FRYL: variants seen among roughly 807,000 people sequenced by gnomAD.
FRYL encodes protein furry homolog-like.
FRYL carries 150 observed loss-of-function variants against 351.2 expected under a neutral mutation model. The ratio of observed to expected loss-of-function variants is 0.43; its 90% CI spans 0.37 to 0.49. The LOEUF (loss-of-function observed/expected upper bound fraction) is 0.49. Among genes scored for constraint, FRYL ranks in the 20% least tolerant of loss-of-function variants. FRYL has a pLI of 0.00. For synonymous variants in FRYL, 1,153 were observed against 1,257.1 expected, an observed-to-expected ratio of 0.92 and a Z score of 1.75; for missense variants, 3,036 against 3,619.3, an observed-to-expected ratio of 0.84 and a Z score of 4.13.
chr4:48,693,086 G>A (rs368272470), intron 2 of FRYL, among the ~76,000 whole-genome samples: 10 of 152,122 alleles, frequency 6.6e-5, no homozygotes, highest in African/African-American at 2.2e-4. Flanking sequence ...AAATGCAAAT[G>A]TCTTCCTTTT....
chr4:48,506,567 T>C (rs1307729798), intron 59 of FRYL: 2 of 143,392 alleles, frequency 1.4e-5, no homozygotes, highest in East Asian at 4.1e-4. Flanking sequence ...TCAGTTGTTT[T>C]GACTTCTAAG....
At chr4:48,687,492 C>CGGGGGG (rs561805370) in intron 2 of FRYL, among the ~76,000 whole-genome samples, 10 of 46,562 alleles carry the variant, frequency 2.1e-4, no homozygotes, top group South Asian at 1.0e-3. Context: ...CAAATGAGGT[C>CGGGGGG]GGGGGGGGGG....
chr4:48,704,949 CAAAAAAAA>C (rs780894705), intron 2 of FRYL, among the ~76,000 whole-genome samples: 9 of 50,732 alleles, frequency 1.8e-4, no homozygotes, highest in African/African-American at 7.1e-4. Flanking sequence ...GACTCCGTCT[CAAAAAAAA>C]AAAAAAAAAA....
chr4:48,504,116 TGA>T, intron 60 of FRYL, among the ~76,000 whole-genome samples: 1 of 152,178 alleles, frequency 6.6e-6, no homozygotes, highest in Non-Finnish European at 1.5e-5. Context: ...TTTTTGTGGA[TGA>T]GTGTGTGTGT....
chr4:48,580,195 T>G (rs1740589212), intron 22 of FRYL, among the ~76,000 whole-genome samples: 1 of 152,134 alleles, frequency 6.6e-6, no homozygotes, highest in Non-Finnish European at 1.5e-5. Context: ...ATGTTATGCA[T>G]TAACCTCTTG....
Position 48,521,102 on chromosome 4 carries a change from A to T in FRYL, c.7635T>A (p.Asp2545Glu). ...ITTEEVLQIR[D>E]ETPTLEASLD... ...GAGAAGCCTCCAAAGTTGGGGTCTCATCCCTGATTTGAAGCACTTCCTCTG... is the reference window on the plus strand; with the variant it reads ...GAGAAGCCTCCAAAGTTGGGGTCTCTTCCCTGATTTGAAGCACTTCCTCTG... Residue 2545 changes from aspartate (D) to glutamate (E), a missense_variant, in exon 55 of 64, where the codon GAT becomes GAA. Coordinates refer to ENST00000358350, the MANE Select transcript of FRYL (RefSeq NM_015030.2). 6.2e-7 allele frequency: 1 copy of T among 1,613,788 alleles called. No individual in the cohort carries two copies. Among genetic ancestry groups the T allele is most frequent in the Non-Finnish European group, 8.5e-7 (1 of 1,179,786 alleles).
chr4:48,515,137 C>T lies in FRYL; in HGVS notation c.7828G>A (p.Ala2610Thr), dbSNP rs777521885. 1.5e-5 allele frequency: 25 copies of T among 1,613,854 alleles called. No homozygotes were observed. Among genetic ancestry groups the T allele is most frequent in the African/African-American group, 2.7e-5 (2 of 74,896 alleles). The change falls in exon 56 of 64, where the codon GCT becomes ACT. Residue 2610 changes from alanine (A) to threonine (T), a missense_variant. Physicochemically the swap from Ala to Thr is moderately conservative, Grantham distance 58. Transcript: ENST00000358350. ...LEETEMPEPL[A>T]PESYPESVCE... ...ACTGACTCGGGGTAACTTTCAGGAG[C>T]TAGAGGCTCTGGCATTTCAGTTTCT... is the stretch of plus-strand genomic sequence containing the variant.
In FRYL at chr4:48,568,409, C is replaced by T. The variant is rs373183589; in HGVS notation, c.2997-989G>A. Among the ~76,000 whole-genome samples the T allele has an allele frequency of 2.6e-4, 39 of 152,262 alleles. No individual in the cohort carries two copies. In the East Asian group the frequency reaches 5.2e-3, roughly 20 times the overall value. On this transcript the variant is annotated intron_variant, in intron 27 of 63. Coordinates refer to ENST00000358350, the MANE Select transcript of FRYL (RefSeq NM_015030.2). ...TCATTAAGCATATATCCAGTATCTA[C>T]TCCAGAGTGTTTTAGTAAGGATGTA...
intron 46 of FRYL, 122 bp downstream of exon 46, chr4:48,540,231 C>T (rs1406806045): frequency 1.6e-6 from 2 of 1,235,436 alleles, no homozygotes; most frequent in Non-Finnish European, 2.2e-6. Context: ...ATTTAAGCTA[C>T]CTAGCGTATA....
chr4:48,653,804 C>T (rs1053060992), intron 3 of FRYL: 3 of 1,262,094 alleles, frequency 2.4e-6, no homozygotes, highest in Middle Eastern at 2.3e-4. Flanking sequence ...CAATCAGCTG[C>T]AAAAGCAGCA....
In FRYL at chr4:48,567,283, C is replaced by G. The variant is rs754899886; in HGVS notation, c.3134G>C (p.Ser1045Thr). The G allele has an allele frequency of 6.2e-7, 1 of 1,611,626 alleles. No homozygotes were observed. Among genetic ancestry groups the G allele is most frequent in the Non-Finnish European group, 8.5e-7 (1 of 1,179,298 alleles). The change falls in exon 28 of 64, where the codon AGT (serine) becomes ACT (threonine). Residue 1045 changes from serine to threonine, a missense_variant. By Grantham distance (58) the Ser-to-Thr change is moderately conservative. This residue lies in a region of FRYL where 492 missense variants were observed against 551.5 expected (regional missense o/e 0.89). Transcript: ENST00000358350. The surrounding 1 kb of genome is among the most constrained non-coding windows in gnomAD (Gnocchi z 4.2). The stretch of plus-strand genomic sequence containing the variant: ...CTGAATAATATTCGCCACTAAGGCA[C>G]TAAAATGGCATCGTATATCCTTCAG... ...DTLKDIRCHF[S>T]ALVANIIQNV...
intron 22 of FRYL, among the ~76,000 whole-genome samples, chr4:48,579,835 T>A (rs1412314076): frequency 6.6e-6 from 1 of 152,126 alleles, no homozygotes; most frequent in African/African-American, 2.4e-5. Context: ...ATTGTATAGA[T>A]CCTTTCATAA....
intron 9 of FRYL, among the ~76,000 whole-genome samples, chr4:48,608,234 C>T (rs980228158): frequency 2.0e-5 from 3 of 152,012 alleles, no homozygotes; most frequent in East Asian, 1.9e-4. Flanking sequence ...TATTAAAATG[C>T]AAACTACTTA....
At chr4:48,605,695 T>C in intron 11 of FRYL, 46 bp downstream of exon 11, 1 of 1,199,934 alleles carries the variant, frequency 8.3e-7, no homozygotes, top group South Asian at 1.3e-5. Flanking sequence ...GTTGATAAGG[T>C]TCTTGTATAA....
At chr4:48,632,091 AATATATATATATATATATATATATATAT>A (rs1560753223) in intron 4 of FRYL, among the ~76,000 whole-genome samples, 23 of 23,394 alleles carry the variant, frequency 9.8e-4, no homozygotes, top group Middle Eastern at 0.038. Context: ...AAAAAAAAAA[AATATATATATATATATATATATATATAT>A]ATATATATAT....
At chr4:48,670,241 C>A (rs1762430038) in intron 3 of FRYL, among the ~76,000 whole-genome samples, 1 of 151,834 alleles carries the variant, frequency 6.6e-6, no homozygotes, top group South Asian at 2.1e-4. Context: ...TGAGATCAGT[C>A]TGGCCAACAT....
intron 2 of FRYL, among the ~76,000 whole-genome samples, chr4:48,710,279 G>A (rs770841618): frequency 6.6e-6 from 1 of 152,166 alleles, no homozygotes; most frequent in African/African-American, 2.4e-5. Context: ...GGACTATAGA[G>A]TACAAATAAG....
intron 41 of FRYL, 192 bp downstream of exon 41, chr4:48,547,392 C>T (rs1731599997): frequency 2.5e-6 from 1 of 399,824 alleles, no homozygotes; most frequent in Non-Finnish European, 4.4e-6. Flanking sequence ...CGAGGTAATG[C>T]AGACTCAAAT....
rs1467564618 is a variant in FRYL at position 48,528,307 on chromosome 4, A to G, written c.6933T>C (p.Asp2311=). Residue 2311 remains aspartate (D), a synonymous_variant, in exon 51 of 64, where the codon GAT becomes GAC. Coordinates refer to ENST00000358350, the MANE Select transcript of FRYL (RefSeq NM_015030.2). ...CATTTCTTCCAGCCGCACTGTGCTG[A>G]TCACCATATTTGTTTCCAATAATTG... ...ETPIIGNKYG[D]QHSAAGRNGK... The G allele has an allele frequency of 6.2e-7, 1 of 1,612,348 alleles. No individual in the cohort carries two copies. The highest frequency in any genetic ancestry group is 1.3e-5 in the African/African-American group (1 of 74,844).
Sources: allele counts gnomAD v4.1 joint callset (sites outside exome capture counted in the v4.1 genomes callset), GRCh38; gene constraint gnomAD v4.1.1; regional missense constraint gnomAD v4.1.1; non-coding constraint Gnocchi (gnomAD v3.1); transcripts MANE v1.5; gene names NCBI Gene and HGNC (gene_info 2026-07-23, HGNC 2026-07-21).